SGO1: variants seen among roughly 807,000 people sequenced by gnomAD.
The protein encoded by SGO1 is shugoshin 1.
A neutral mutation model predicts 50.5 loss-of-function variants in SGO1; 39 were observed. The ratio of observed to expected loss-of-function variants is 0.77; its 90% CI spans 0.60 to 1.01. The LOEUF is 1.01. Among genes scored for constraint, SGO1 ranks in the 50% least tolerant of loss-of-function variants. The pLI, the probability that SGO1 is intolerant of heterozygous loss-of-function variation, is 0.00. For missense variants in SGO1, 638 were observed against 606.0 expected (o/e 1.05, Z -0.55); for synonymous variants, 191 against 205.1 (o/e 0.93, Z 0.59).
chr3:20,183,136 C>G (rs1161681977), intron 3 of SGO1, among the ~76,000 whole-genome samples: 1 of 152,290 alleles, frequency 6.6e-6, no homozygotes, highest in East Asian at 1.9e-4. Flanking sequence ...CACTTAAATA[C>G]TCCCTATGTC....
chr3:20,162,597 G>A (rs932777822), intron 8 of SGO1, among the ~76,000 whole-genome samples: 1 of 152,034 alleles, frequency 6.6e-6, no homozygotes, highest in Admixed American at 6.6e-5. Context: ...TACAAGGCAG[G>A]AAAGTATAAT....
chr3:20,171,389 A>G (rs1169571365), intron 6 of SGO1, 157 bp from the exon 7 acceptor site: 1 of 534,952 alleles, frequency 1.9e-6, no homozygotes, highest in Non-Finnish European at 3.1e-6. Context: ...CCCAGGCTGA[A>G]GTGCAGTGGT....
At chr3:20,167,166 G>A (rs1409667578), downstream of SGO1, among the ~76,000 whole-genome samples, 1 of 152,110 alleles carries the variant, frequency 6.6e-6, no homozygotes, top group Non-Finnish European at 1.5e-5. Context: ...GGAATATTCA[G>A]CAGTGGGGAA....
upstream of SGO1, chr3:20,186,434 G>C (rs1179491958): frequency 6.6e-6 from 1 of 152,252 alleles, no homozygotes; most frequent in Non-Finnish European, 1.5e-5. Flanking sequence ...GGGATTTTAC[G>C]GGTGGAGTTA....
At position 20,183,641 on chromosome 3, in the gene SGO1, T is replaced by G. The variant is rs1378415078; in HGVS notation, c.306A>C (p.Lys102Asn). 2.5e-6 allele frequency: 4 copies of G among 1,599,408 alleles called. No individual in the cohort carries two copies. The highest frequency in any genetic ancestry group is 2.6e-6 in the Non-Finnish European group (3 of 1,176,336). The change falls in exon 3 of 8, where the codon AAA becomes AAC. Residue 102 changes from lysine (K) to asparagine (N), a missense_variant. Lys to Asn is a moderately conservative substitution (Grantham distance 94). Coordinates refer to ENST00000412997, the MANE Select transcript of SGO1 (RefSeq NM_001199251.3). ...GTTCTACTGTTTGTTGTGATGTAAG[T>G]TTTCCTTTCAATGCATATAGCTGAC... is the stretch of plus-strand genomic sequence containing the variant. ...LTCQLYALKG[K>N]LTSQQTVEPA...
At chr3:20,173,445 C>G (rs116553364) in intron 6 of SGO1, among the ~76,000 whole-genome samples, 361 of 152,114 alleles carry the variant, frequency 2.4e-3, no homozygotes, top group African/African-American at 8.1e-3. Context: ...CGGCTTACAG[C>G]ATATTTTTAA....
chr3:20,174,604 A>T lies in SGO1; in HGVS notation c.927T>A (p.Tyr309Ter). Residue 309 changes from tyrosine to a stop codon, truncating the protein, a stop_gained, in exon 6 of 8, where the codon TAT (tyrosine) becomes TAA (stop). Coordinates refer to ENST00000412997, the MANE Select transcript of SGO1 (RefSeq NM_001199251.3). LOFTEE classifies it high-confidence loss of function. ...NRRKSKRMSK[Y>*]KENKSENKKT... is the part of the protein sequence containing the mutation. The stretch of plus-strand genomic sequence containing the variant: ...TTTTATTTTCGCTTTTATTCTCTTT[A>T]TATTTTGACATACGTTTTGATTTTC... The T allele has an allele frequency of 6.2e-7, 1 of 1,600,270 alleles. No individual in the cohort carries two copies. The highest frequency in any genetic ancestry group is 8.5e-7 in the Non-Finnish European group (1 of 1,174,784).
rs770570412 is a variant in SGO1 at position 20,174,750 on chromosome 3, G to GA, written c.780dup (p.Gln261SerfsTer7). ...TTTGTTTTAGTAAACGTTCCTGGCT[G>GA]AATCAGCTTTGGTGATAAGTTAACT... On this transcript the variant is annotated frameshift_variant, in exon 6 of 8. Transcript: ENST00000412997. LOFTEE classifies it high-confidence loss of function. 3.7e-6 allele frequency: 6 copies of GA among 1,614,012 alleles called. No homozygotes were observed. The highest frequency in any genetic ancestry group is 4.2e-6 in the Non-Finnish European group (5 of 1,180,000).
At chr3:20,163,765 G>A (rs1455943667) in intron 8 of SGO1, among the ~76,000 whole-genome samples, 2 of 152,108 alleles carry the variant, frequency 1.3e-5, no homozygotes, top group African/African-American at 4.8e-5. Context: ...TGAAAAGAGA[G>A]GAGGATAACT....
At chr3:20,182,943 A>G (rs1432152107) in intron 3 of SGO1, among the ~76,000 whole-genome samples, 1 of 151,950 alleles carries the variant, frequency 6.6e-6, no homozygotes, top group Non-Finnish European at 1.5e-5. Flanking sequence ...GCGTGAACCC[A>G]GGAGGCCGAG....
chr3:20,186,465 A>T (rs115639198), upstream of SGO1: 8,017 of 152,246 alleles, frequency 0.053, 212 homozygotes, highest in Non-Finnish European at 0.059. Context: ...TTTAAGGCCG[A>T]GTGTGATAGG....
chr3:20,180,406 T>A (rs1028017007), intron 3 of SGO1, among the ~76,000 whole-genome samples: 7 of 152,172 alleles, frequency 4.6e-5, no homozygotes, highest in Non-Finnish European at 7.4e-5. Flanking sequence ...TAAAGAAATA[T>A]GAGACCAGGA....
chr3:20,182,849 T>C (rs1702180734), intron 3 of SGO1, among the ~76,000 whole-genome samples: 1 of 152,002 alleles, frequency 6.6e-6, no homozygotes, highest in Non-Finnish European at 1.5e-5. Context: ...AAACCCCGTC[T>C]CTACTAAAAA....
intron 3 of SGO1, among the ~76,000 whole-genome samples, chr3:20,180,060 G>A (rs1027238078): frequency 1.3e-5 from 2 of 152,132 alleles, no homozygotes; most frequent in Non-Finnish European, 2.9e-5. Flanking sequence ...ATTTAGGGAG[G>A]CCGAGGCAGG....
downstream of SGO1, chr3:20,169,369 C>G (rs995125214): frequency 7.1e-6 from 7 of 984,710 alleles, no homozygotes; most frequent in South Asian, 4.7e-5. Flanking sequence ...GAACACCCCC[C>G]CCTCAAAAAA....
intron 5 of SGO1, 48 bp downstream of exon 5, chr3:20,176,553 G>T (rs923026264): frequency 6.2e-6 from 7 of 1,127,416 alleles, no homozygotes; most frequent in Middle Eastern, 4.1e-4. Context: ...TGTTCTCAAA[G>T]ACCTTATTTT....
At chr3:20,169,428 G>T, downstream of SGO1, 1 of 984,666 alleles carries the variant, frequency 1.0e-6, no homozygotes, top group Non-Finnish European at 1.2e-6. Context: ...TGAGAATAGT[G>T]AAGACAGAGA....
In SGO1 at chr3:20,171,161, C is replaced by T. The variant is rs752502704; in HGVS notation, c.1354G>A (p.Val452Ile). The T allele has an allele frequency of 4.3e-6, 7 of 1,613,088 alleles. No homozygotes were observed. The Admixed American group carries it at 1.0e-4, about 23-fold the overall frequency. The stretch of plus-strand genomic sequence containing the variant: ...AGAGAAAGTCTTCTGATTTTCACAA[C>T]AGGATACAAGGAGACATTGGTGATA... ...KDITNVSLYP[V>I]VKIRRLSLSP... Residue 452 changes from valine (V) to isoleucine (I), a missense_variant, in exon 7 of 8, where the codon GTT becomes ATT. Val to Ile is a conservative substitution (Grantham distance 29, BLOSUM62 3). Coordinates refer to ENST00000412997, the MANE Select transcript of SGO1 (RefSeq NM_001199251.3).
At chr3:20,170,941 T>C in intron 7 of SGO1, 102 bp downstream of exon 7, 1 of 1,464,948 alleles carries the variant, frequency 6.8e-7, no homozygotes, top group South Asian at 1.3e-5. Flanking sequence ...TTAAATCAAA[T>C]GTTTATATTT....
Sources: allele counts gnomAD v4.1 joint callset (sites outside exome capture counted in the v4.1 genomes callset), GRCh38; gene constraint gnomAD v4.1.1; transcripts MANE v1.5; gene names NCBI Gene and HGNC (gene_info 2026-07-23, HGNC 2026-07-21).